The following BNC2 variants were observed in gnomAD, a reference collection of about 807,000 sequenced individuals.
The protein encoded by BNC2 is basonuclin zinc finger protein 2, also known as zinc finger protein basonuclin-2.
In BNC2, 20 loss-of-function variants were observed where a neutral mutation model predicts 76.3. The observed-to-expected ratio is 0.26, with a 90% CI of 0.18 to 0.38. BNC2 has a LOEUF of 0.38. Among genes scored for constraint, BNC2 ranks in the 10% least tolerant of loss-of-function variants. The probability of loss-of-function intolerance (pLI) is 1.00; values close to 1 mark genes in which losing one functional copy is unlikely to be tolerated. For missense variants in BNC2, 1,382 were observed against 1,399.8 expected (o/e 0.99, Z 0.20); for synonymous variants, 582 against 514.8 (o/e 1.13, Z -1.77).
chr9:16,653,216 T>C (rs1587276698), intron 3 of BNC2, among the ~76,000 whole-genome samples: 2 of 152,260 alleles, frequency 1.3e-5, no homozygotes, highest in East Asian at 1.9e-4. Flanking sequence ...TAAACAACTT[T>C]TAAAATAACT....
At chr9:16,594,609 AC>A (rs1820016377) in intron 3 of BNC2, among the ~76,000 whole-genome samples, 1 of 152,192 alleles carries the variant, frequency 6.6e-6, no homozygotes, top group Non-Finnish European at 1.5e-5. Context: ...ACAACTGATT[AC>A]CCAGGCCAAT....
chr9:16,791,294 A>T (rs1214724771), intron 1 of BNC2, among the ~76,000 whole-genome samples: 1 of 151,682 alleles, frequency 6.6e-6, no homozygotes, highest in Non-Finnish European at 1.5e-5. Context: ...ATCTCCTGAC[A>T]TCGTGATCCG....
At chr9:16,675,590 G>C (rs1420075311) in intron 3 of BNC2, among the ~76,000 whole-genome samples, 1 of 152,096 alleles carries the variant, frequency 6.6e-6, no homozygotes, top group Non-Finnish European at 1.5e-5. Flanking sequence ...AAAAAATTTA[G>C]AATACTGCTA....
intron 5 of BNC2, among the ~76,000 whole-genome samples, chr9:16,496,856 T>C (rs758886706): frequency 6.6e-6 from 1 of 152,202 alleles, no homozygotes; most frequent in Admixed American, 6.5e-5. Flanking sequence ...AGACACCCAG[T>C]TGCTGTTTAT....
chr9:16,757,161 A>C (rs1159140247), intron 1 of BNC2, among the ~76,000 whole-genome samples: 2 of 152,208 alleles, frequency 1.3e-5, no homozygotes, highest in Non-Finnish European at 2.9e-5. Flanking sequence ...AGACAGACTC[A>C]ATAAATACTT....
At chr9:16,535,411 A>C (rs1818100251) in intron 5 of BNC2, among the ~76,000 whole-genome samples, 2 of 152,332 alleles carry the variant, frequency 1.3e-5, no homozygotes, top group Admixed American at 1.3e-4. Flanking sequence ...TTAGGTCTAC[A>C]ACCTTACCAG....
At chr9:16,776,996 C>T (rs1825986278) in intron 1 of BNC2, among the ~76,000 whole-genome samples, 1 of 152,010 alleles carries the variant, frequency 6.6e-6, no homozygotes, top group South Asian at 2.1e-4. Context: ...CATGGTGGCA[C>T]ACGCCTGTAA....
intron 5 of BNC2, among the ~76,000 whole-genome samples, chr9:16,490,859 T>A (rs1822264222): frequency 6.6e-6 from 1 of 152,208 alleles, no homozygotes; most frequent in South Asian, 2.1e-4. Context: ...CATGTCAGAA[T>A]GAGCAGTCCC....
At chr9:16,580,625 T>C (rs1209868607) in intron 4 of BNC2, among the ~76,000 whole-genome samples, 2 of 152,154 alleles carry the variant, frequency 1.3e-5, no homozygotes, top group Non-Finnish European at 2.9e-5. Context: ...AATATGCACA[T>C]GGACATTAAA....
intron 1 of BNC2, among the ~76,000 whole-genome samples, chr9:16,812,059 G>A (rs1469569784): frequency 6.6e-6 from 1 of 152,214 alleles, no homozygotes; most frequent in African/African-American, 2.4e-5. Flanking sequence ...CTGCTGATCA[G>A]CTGCAGGGGA....
At chr9:16,857,612 C>T (rs1769832153) in intron 1 of BNC2, among the ~76,000 whole-genome samples, 1 of 150,360 alleles carries the variant, frequency 6.7e-6, no homozygotes, top group Admixed American at 6.6e-5. Context: ...GATAATTACT[C>T]TTTATGTACG....
intron 4 of BNC2, among the ~76,000 whole-genome samples, chr9:16,562,306 C>T (rs1377989042): frequency 6.6e-6 from 1 of 152,182 alleles, no homozygotes; most frequent in Admixed American, 6.5e-5. Context: ...TTTCAACTAT[C>T]CTCAACACTC....
At chr9:16,481,402 T>G (rs958589579) in intron 5 of BNC2, among the ~76,000 whole-genome samples, 3 of 152,140 alleles carry the variant, frequency 2.0e-5, no homozygotes, top group East Asian at 1.9e-4. Context: ...GGGTCCACAC[T>G]GCTTTTATGA....
chr9:16,794,781 C>T (rs1183184179), intron 1 of BNC2, among the ~76,000 whole-genome samples: 3 of 152,134 alleles, frequency 2.0e-5, no homozygotes, highest in African/African-American at 7.2e-5. Flanking sequence ...GGGGTTTAGA[C>T]CTCTCAATCA....
At chr9:16,842,606 C>T (rs1030324057) in intron 1 of BNC2, among the ~76,000 whole-genome samples, 7 of 152,164 alleles carry the variant, frequency 4.6e-5, no homozygotes, top group African/African-American at 1.7e-4. Flanking sequence ...AGTGACTATA[C>T]ACTTGAAAAT....
chr9:16,475,634 C>T (rs1389714797), intron 5 of BNC2, among the ~76,000 whole-genome samples: 2 of 152,202 alleles, frequency 1.3e-5, no homozygotes, highest in Admixed American at 1.3e-4. Context: ...ATTTGTAGTT[C>T]TAATCCACTA....
intron 1 of BNC2, among the ~76,000 whole-genome samples, chr9:16,832,794 C>T (rs1248171104): frequency 6.6e-6 from 1 of 151,914 alleles, no homozygotes; most frequent in Non-Finnish European, 1.5e-5. Context: ...GGCGCGATCT[C>T]GGCTTACTGC....
intron 5 of BNC2, among the ~76,000 whole-genome samples, chr9:16,517,521 A>C (rs1246681504): frequency 6.6e-6 from 1 of 152,130 alleles, no homozygotes; most frequent in African/African-American, 2.4e-5. Flanking sequence ...GGGCAGTGGG[A>C]GGGTAATTCC....
At chr9:16,747,119 ATTTT>A (rs1825033410) in intron 1 of BNC2, among the ~76,000 whole-genome samples, 1 of 152,156 alleles carries the variant, frequency 6.6e-6, no homozygotes, top group Non-Finnish European at 1.5e-5. Flanking sequence ...GATTATTAAA[ATTTT>A]ACAAGCACAA....
Sources: allele counts gnomAD v4.1 joint callset (sites outside exome capture counted in the v4.1 genomes callset), GRCh38; gene constraint gnomAD v4.1.1; transcripts MANE v1.5; gene names NCBI Gene and HGNC (gene_info 2026-07-23, HGNC 2026-07-21).